The following TAFA2 variants were observed in gnomAD, a reference collection of about 807,000 sequenced individuals.
The protein encoded by TAFA2 is TAFA chemokine like family member 2.
Under a neutral mutation model 18.8 loss-of-function variants are expected in TAFA2, and 7 were observed. The observed-to-expected ratio is 0.37, with a 90% CI of 0.21 to 0.70. TAFA2 has a LOEUF of 0.70. Among genes scored for constraint, TAFA2 ranks in the 30% least tolerant of loss-of-function variants. TAFA2 has a pLI of 0.53. For missense variants in TAFA2, 122 were observed against 158.1 expected, an observed-to-expected ratio of 0.77 and a Z score of 1.23; for synonymous variants, 60 against 54.2, an observed-to-expected ratio of 1.11 and a Z score of -0.47.
chr12:62,098,669 A>T (rs930029888), intron 1 of TAFA2, among the ~76,000 whole-genome samples: 29 of 152,176 alleles, frequency 1.9e-4, no homozygotes, highest in African/African-American at 7.0e-4. Context: ...CTTGAGTTGG[A>T]AGTCTACGCC....
chr12:62,151,773 G>A (rs74691164), intron 1 of TAFA2, among the ~76,000 whole-genome samples: 7,198 of 152,138 alleles, frequency 0.047, 255 homozygotes, highest in Non-Finnish European at 0.073. Flanking sequence ...AGTCCAACAG[G>A]GCTTCTAAGC....
At chr12:61,893,070 A>G (rs1164763827) in intron 1 of TAFA2, among the ~76,000 whole-genome samples, 1 of 152,206 alleles carries the variant, frequency 6.6e-6, no homozygotes. Flanking sequence ...GGAACAGAGG[A>G]AAAAAGAGGT....
At position 61,813,398 on chromosome 12, in the gene TAFA2, C is replaced by T. The variant is rs549336812; in HGVS notation, c.106+53922G>A. Among the ~76,000 whole-genome samples, 338 of 151,026 alleles carry T rather than the reference C, an allele frequency of 2.2e-3. 15 individuals are homozygous for T. Among genetic ancestry groups the T allele is most frequent in the African/African-American group, 7.7e-3 (313 of 40,588 alleles). ...ATATAGTAAGAATATTAACTTTTTT[C>T]TGTCATATATACTGCAAAACATCTT... On this transcript the variant is annotated intron_variant, in intron 2 of 4. Transcript: ENST00000416284.
intron 1 of TAFA2, among the ~76,000 whole-genome samples, chr12:62,000,008 T>A (rs1880327583): frequency 6.6e-6 from 1 of 152,126 alleles, no homozygotes; most frequent in Non-Finnish European, 1.5e-5. Flanking sequence ...AAATGAAAAA[T>A]TAATATGATT....
chr12:62,230,975 C>T (rs1200339835), intron 1 of TAFA2, among the ~76,000 whole-genome samples: 4 of 152,152 alleles, frequency 2.6e-5, no homozygotes, highest in African/African-American at 9.7e-5. Flanking sequence ...CACACCCAGC[C>T]AAGAATGTTT....
chr12:61,787,850 C>T (rs1870802218), intron 2 of TAFA2, among the ~76,000 whole-genome samples: 2 of 151,538 alleles, frequency 1.3e-5, no homozygotes, highest in Admixed American at 6.6e-5. Context: ...TAAGTTCTTA[C>T]CTAGCAATAA....
At chr12:62,021,654 T>C (rs1881144327) in intron 1 of TAFA2, 4 of 1,282,074 alleles carry the variant, frequency 3.1e-6, no homozygotes, top group Middle Eastern at 2.6e-4. Flanking sequence ...CAGTATCTCA[T>C]CTTTGGGTTC....
chr12:62,100,244 T>C (rs1869135980), intron 1 of TAFA2, among the ~76,000 whole-genome samples: 1 of 152,048 alleles, frequency 6.6e-6, no homozygotes, highest in South Asian at 2.1e-4. Context: ...CTATTATATG[T>C]TCATTGAGAG....
intron 1 of TAFA2, among the ~76,000 whole-genome samples, chr12:62,077,233 G>T (rs910283675): frequency 6.6e-6 from 1 of 152,178 alleles, no homozygotes; most frequent in African/African-American, 2.4e-5. Flanking sequence ...TTTGACACTA[G>T]TGATTTCAGA....
At chr12:61,955,632 A>AAAATATAT (rs1878655397) in intron 1 of TAFA2, among the ~76,000 whole-genome samples, 2 of 41,200 alleles carry the variant, frequency 4.9e-5, no homozygotes, top group African/African-American at 1.2e-4. Context: ...AAAAAAAAAA[A>AAAATATAT]ATATATATAT....
chr12:61,740,383 G>A (rs1289769984), intron 4 of TAFA2, among the ~76,000 whole-genome samples: 2 of 151,874 alleles, frequency 1.3e-5, no homozygotes, highest in Admixed American at 6.6e-5. Flanking sequence ...ACCTAATGTA[G>A]ATGATGGGTT....
chr12:62,130,135 A>G (rs1162685689), intron 1 of TAFA2, among the ~76,000 whole-genome samples: 1 of 151,956 alleles, frequency 6.6e-6, no homozygotes, highest in Non-Finnish European at 1.5e-5. Flanking sequence ...GACAAGGGAG[A>G]GTTCCTCTGG....
chr12:62,100,613 A>C (rs1450184330), intron 1 of TAFA2, among the ~76,000 whole-genome samples: 4 of 152,198 alleles, frequency 2.6e-5, no homozygotes, highest in African/African-American at 9.6e-5. Flanking sequence ...CCATCCAGTC[A>C]TCCTAAAAGA....
chr12:61,854,567 C>G (rs887179925), intron 2 of TAFA2, among the ~76,000 whole-genome samples: 1 of 151,434 alleles, frequency 6.6e-6, no homozygotes, highest in African/African-American at 2.4e-5. Context: ...AGAACAGAGT[C>G]AAGCAGAAAA....
chr12:62,012,755 T>C (rs1161458815), intron 1 of TAFA2, among the ~76,000 whole-genome samples: 1 of 152,200 alleles, frequency 6.6e-6, no homozygotes, highest in Non-Finnish European at 1.5e-5. Context: ...TTTGGTACTA[T>C]GATACTACTA....
chr12:62,104,587 G>A (rs1035109213), intron 1 of TAFA2, among the ~76,000 whole-genome samples: 2 of 152,158 alleles, frequency 1.3e-5, no homozygotes, highest in African/African-American at 4.8e-5. Context: ...TAGGTAATCT[G>A]CTTAGAGATT....
intron 4 of TAFA2, among the ~76,000 whole-genome samples, chr12:61,747,837 C>T (rs1868803577): frequency 6.7e-6 from 1 of 149,740 alleles, no homozygotes; most frequent in Admixed American, 6.7e-5. Flanking sequence ...GCACATTGTG[C>T]ACATGTACCC....
chr12:62,024,247 G>C (rs1386178739), intron 1 of TAFA2, among the ~76,000 whole-genome samples: 2 of 152,048 alleles, frequency 1.3e-5, no homozygotes, highest in Non-Finnish European at 2.9e-5. Flanking sequence ...GAAATAGAGT[G>C]CCCCAAAATC....
chr12:61,837,265 T>G (rs1872973149), intron 2 of TAFA2, among the ~76,000 whole-genome samples: 2 of 151,954 alleles, frequency 1.3e-5, no homozygotes, highest in African/African-American at 4.8e-5. Flanking sequence ...TCTTTTATGC[T>G]CTTTCTCTGA....
Sources: allele counts gnomAD v4.1 joint callset (sites outside exome capture counted in the v4.1 genomes callset), GRCh38; gene constraint gnomAD v4.1.1; transcripts MANE v1.5; gene names NCBI Gene and HGNC (gene_info 2026-07-23, HGNC 2026-07-21).